PDE4B: variants seen among roughly 807,000 people sequenced by gnomAD.
The protein encoded by PDE4B is 3',5'-cyclic-AMP phosphodiesterase 4B.
A neutral mutation model predicts 82.2 loss-of-function variants in PDE4B; 20 were observed. The observed-to-expected ratio is 0.24, with a 90% CI of 0.17 to 0.35. PDE4B has a LOEUF of 0.35. Among genes scored for constraint, PDE4B ranks in the 10% least tolerant of loss-of-function variants. The probability of loss-of-function intolerance (pLI) is 1.00; values close to 1 mark genes in which losing one functional copy is unlikely to be tolerated. For missense variants in PDE4B, 655 were observed against 907.2 expected (o/e 0.72, Z 3.57); for synonymous variants, 320 against 318.9 (o/e 1.00, Z -0.04).
chr1:65,857,241 C>T (rs142424643), intron 1 of PDE4B, among the ~76,000 whole-genome samples: 19 of 152,236 alleles, frequency 1.2e-4, no homozygotes, highest in African/African-American at 4.3e-4. Context: ...AGAGTCAAAA[C>T]CAGATTCCTT....
intron 3 of PDE4B, among the ~76,000 whole-genome samples, chr1:66,018,780 A>G (rs1267011541): frequency 6.6e-6 from 1 of 152,232 alleles, no homozygotes; most frequent in Non-Finnish European, 1.5e-5. Context: ...ATATTTATCC[A>G]ACCATTATCC....
intron 3 of PDE4B, among the ~76,000 whole-genome samples, chr1:66,037,125 CAAA>C (rs71058446): frequency 1.7e-4 from 15 of 86,680 alleles, no homozygotes; most frequent in Admixed American, 3.9e-4. Context: ...GACTCTGCCT[CAAA>C]AAAAAAAAAA....
intron 3 of PDE4B, among the ~76,000 whole-genome samples, chr1:66,196,176 C>A (rs568183258): frequency 4.6e-5 from 7 of 152,176 alleles, no homozygotes; most frequent in African/African-American, 1.7e-4. Context: ...AATTGACTAG[C>A]CTGCCAAGGG....
Position 65,873,065 on chromosome 1 carries a change from C to T in PDE4B, c.-70-40180C>T, listed in dbSNP as rs535664811. ...CCAAAACAAAAAGCCCCTGCTTTTC[C>T]AGAGCTCATATTCCACACGGGGAGG... On this transcript the variant is annotated intron_variant, in intron 1 of 16. Coordinates refer to ENST00000341517, the MANE Select transcript of PDE4B (RefSeq NM_002600.4). Among the ~76,000 whole-genome samples, 4 of 152,288 alleles carry T rather than the reference C, an allele frequency of 2.6e-5. No homozygotes were observed. The East Asian group carries it at 7.7e-4, about 29-fold the overall frequency.
chr1:66,159,026 A>G (rs1646557198), intron 3 of PDE4B, among the ~76,000 whole-genome samples: 1 of 152,200 alleles, frequency 6.6e-6, no homozygotes, highest in Non-Finnish European at 1.5e-5. Flanking sequence ...GTTCTATTAC[A>G]CAATAAGGTG....
At chr1:66,115,990 T>A (rs1329424286) in intron 3 of PDE4B, among the ~76,000 whole-genome samples, 2 of 152,214 alleles carry the variant, frequency 1.3e-5, no homozygotes, top group Admixed American at 1.3e-4. Context: ...TTCTTTTATA[T>A]TTCTTGATTG....
chr1:66,282,306 C>T (rs907182185), intron 7 of PDE4B, among the ~76,000 whole-genome samples: 1 of 152,190 alleles, frequency 6.6e-6, no homozygotes. Flanking sequence ...GTCTCCTTCC[C>T]TGAAAGACTT....
chr1:66,372,733 G>A lies in PDE4B; in HGVS notation c.*55G>A, dbSNP rs2050829543. On this transcript the variant is annotated 3_prime_UTR_variant, in exon 17 of 17. Transcript: ENST00000341517. The stretch of plus-strand genomic sequence containing the variant: ...TATCCTTGATGAGCATGCCAGCTAT[G>A]TGGTAGGGCCAGCCCACCATGGGGG... The A allele has an allele frequency of 6.4e-7, 1 of 1,559,374 alleles. No homozygotes were observed. The highest frequency in any genetic ancestry group is 1.7e-4 in the Middle Eastern group (1 of 5,798).
At chr1:66,047,180 G>A (rs1419189756) in intron 3 of PDE4B, among the ~76,000 whole-genome samples, 1 of 151,784 alleles carries the variant, frequency 6.6e-6, no homozygotes, top group Admixed American at 6.6e-5. Flanking sequence ...AGACAGCCCA[G>A]CATAGGGATT....
At chr1:66,134,210 C>T (rs1646009504) in intron 3 of PDE4B, among the ~76,000 whole-genome samples, 1 of 152,150 alleles carries the variant, frequency 6.6e-6, no homozygotes, top group African/African-American at 2.4e-5. Flanking sequence ...GCCAGAGAAA[C>T]AATTATGTCT....
At chr1:66,319,189 T>A (rs1659229086) in intron 7 of PDE4B, among the ~76,000 whole-genome samples, 1 of 152,208 alleles carries the variant, frequency 6.6e-6, no homozygotes. Flanking sequence ...AGAGACACTC[T>A]CCTCTAGGCA....
At chr1:66,247,706 C>T in intron 4 of PDE4B, 52 bp downstream of exon 4, 2 of 1,364,846 alleles carry the variant, frequency 1.5e-6, no homozygotes, top group Admixed American at 4.7e-5. Context: ...TCATCTCTAC[C>T]CAGGTCACAG....
chr1:66,325,659 C>G (rs1011652394), intron 7 of PDE4B, among the ~76,000 whole-genome samples: 5 of 152,310 alleles, frequency 3.3e-5, no homozygotes, highest in Non-Finnish European at 2.9e-5. Context: ...TGAAGTCCTA[C>G]AGTGGGAAGG....
chr1:66,106,918 T>A (rs1463586680), intron 3 of PDE4B, among the ~76,000 whole-genome samples: 3 of 138,028 alleles, frequency 2.2e-5, no homozygotes, highest in Non-Finnish European at 3.2e-5. Context: ...TTTTGAAGGG[T>A]TTTTTGTGTC....
intron 4 of PDE4B, chr1:66,257,425 G>A (rs760058436): frequency 3.0e-5 from 22 of 743,622 alleles, no homozygotes; most frequent in Non-Finnish European, 5.3e-5. Flanking sequence ...TTTATGTGTA[G>A]TCACTGTAAA....
intron 1 of PDE4B, among the ~76,000 whole-genome samples, chr1:65,856,802 A>G (rs1646398301): frequency 6.6e-6 from 1 of 152,172 alleles, no homozygotes; most frequent in Admixed American, 6.6e-5. Context: ...ACCAACAGTC[A>G]ATCAAAAGCA....
chr1:66,233,556 G>T (rs1318030300), intron 3 of PDE4B, among the ~76,000 whole-genome samples: 1 of 152,152 alleles, frequency 6.6e-6, no homozygotes, highest in Non-Finnish European at 1.5e-5. Context: ...CCAGTAAAAT[G>T]TTGAGTAGAA....
rs1374063316 is a variant in PDE4B, at chr1:66,324,447, T to A, written c.635-8061T>A. On this transcript the variant is annotated intron_variant, in intron 7 of 16. Coordinates refer to ENST00000341517, the MANE Select transcript of PDE4B (RefSeq NM_002600.4). ...TCACATTCATAATGGAAAATGTATG[T>A]CATAATGATAATAATTTCTCTCTTG... Among the ~76,000 whole-genome samples the A allele has an allele frequency of 2.0e-5, 3 of 152,234 alleles. No individual in the cohort carries two copies. The East Asian group carries it at 5.8e-4, about 29-fold the overall frequency.
At chr1:65,876,310 T>C (rs1646643079) in intron 1 of PDE4B, among the ~76,000 whole-genome samples, 1 of 152,142 alleles carries the variant, frequency 6.6e-6, no homozygotes, top group Non-Finnish European at 1.5e-5. Flanking sequence ...AACTGAAATA[T>C]TGTCCCTAAA....
Sources: allele counts gnomAD v4.1 joint callset (sites outside exome capture counted in the v4.1 genomes callset), GRCh38; gene constraint gnomAD v4.1.1; transcripts MANE v1.5; gene names NCBI Gene and HGNC (gene_info 2026-07-23, HGNC 2026-07-21).